Variants in PAK5 observed in about 807,000 individuals in gnomAD.
PAK5 encodes p21 (RAC1) activated kinase 5, also known as serine/threonine-protein kinase PAK 5.
A neutral mutation model predicts 65.9 loss-of-function variants in PAK5; 16 were observed. That is an observed-to-expected ratio of 0.24 (90% CI 0.16 to 0.37). The LOEUF (loss-of-function observed/expected upper bound fraction) is 0.37. Among genes scored for constraint, PAK5 ranks in the 10% least tolerant of loss-of-function variants. The pLI is 1.00. For missense variants in PAK5, 785 were observed against 903.9 expected, an observed-to-expected ratio of 0.87 and a Z score of 1.69; for synonymous variants, 371 against 354.9, an observed-to-expected ratio of 1.05 and a Z score of -0.51.
intron 1 of PAK5, among the ~76,000 whole-genome samples, chr20:9,760,156 G>A: frequency 6.6e-6 from 1 of 152,048 alleles, no homozygotes; most frequent in East Asian, 1.9e-4. Context: ...AATCATAATG[G>A]CTTTCAATAA....
rs565367584 is a variant in PAK5, at chr20:9,634,635, G to A, written c.204+9490C>T. ...AACCACATTAATATAATCAAAAACTGCTTGGCTGAAGTTTCCAGATTGGAT... is the reference window on the plus strand; with the variant it reads ...AACCACATTAATATAATCAAAAACTACTTGGCTGAAGTTTCCAGATTGGAT... On this transcript the variant is annotated intron_variant, in intron 3 of 9. Transcript: ENST00000353224. Among the ~76,000 whole-genome samples, 99 of 152,262 alleles carry A rather than the reference G, an allele frequency of 6.5e-4. No individual in the cohort carries two copies. In the South Asian group the frequency reaches 0.011, roughly 16 times the overall value.
chr20:9,780,699 G>A (rs1047674544), intron 1 of PAK5, among the ~76,000 whole-genome samples: 2 of 151,812 alleles, frequency 1.3e-5, no homozygotes, highest in Non-Finnish European at 2.9e-5. Context: ...ACCCCCCTTG[G>A]AAGCTGCTAC....
chr20:9,824,749 A>G lies in PAK5; in HGVS notation c.-162+14013T>C, dbSNP rs533801631. On this transcript the variant is annotated intron_variant, in intron 1 of 9. Transcript: ENST00000353224. ...CTTTTGATTTCCCTTATCCCACTCT[A>G]TTTTATAAAGCACTGATGACCTTCT... is the stretch of plus-strand genomic sequence containing the variant. Among the ~76,000 whole-genome samples the G allele has an allele frequency of 2.6e-5, 4 of 152,186 alleles. No individual in the cohort carries two copies. In the South Asian group the frequency reaches 8.3e-4, roughly 32 times the overall value.
intron 1 of PAK5, among the ~76,000 whole-genome samples, chr20:9,734,192 G>A (rs752064306): frequency 2.0e-5 from 3 of 152,212 alleles, no homozygotes; most frequent in Non-Finnish European, 4.4e-5. Context: ...GTTTTTGACA[G>A]CTTTCTGTAT....
chr20:9,642,263 G>A (rs1261947356), intron 3 of PAK5, among the ~76,000 whole-genome samples: 3 of 152,218 alleles, frequency 2.0e-5, no homozygotes, highest in Non-Finnish European at 4.4e-5. Context: ...CTCGTTTACA[G>A]TCCCACCAAC....
At chr20:9,751,280 G>T (rs1037418511) in intron 1 of PAK5, among the ~76,000 whole-genome samples, 1 of 152,010 alleles carries the variant, frequency 6.6e-6, no homozygotes, top group Admixed American at 6.6e-5. Flanking sequence ...GAGAGGCTTT[G>T]CAATATTCAA....
At chr20:9,724,586 G>T (rs1371906458) in intron 1 of PAK5, among the ~76,000 whole-genome samples, 1 of 152,146 alleles carries the variant, frequency 6.6e-6, no homozygotes, top group East Asian at 1.9e-4. Flanking sequence ...GTGTTTCTTG[G>T]AGTTGGGGTA....
intron 3 of PAK5, among the ~76,000 whole-genome samples, chr20:9,582,678 G>GGT (rs977523288): frequency 3.3e-5 from 5 of 151,728 alleles, no homozygotes; most frequent in South Asian, 2.1e-4. Flanking sequence ...TATCTTCTTG[G>GGT]GTGTGTGTGT....
chr20:9,694,026 A>C (rs905695205), intron 2 of PAK5, among the ~76,000 whole-genome samples: 3 of 152,014 alleles, frequency 2.0e-5, no homozygotes, highest in African/African-American at 7.2e-5. Flanking sequence ...AAGTTGAATC[A>C]CATAAGATCT....
At chr20:9,632,567 T>A (rs966129385) in intron 3 of PAK5, among the ~76,000 whole-genome samples, 2 of 152,180 alleles carry the variant, frequency 1.3e-5, no homozygotes, top group Admixed American at 1.3e-4. Flanking sequence ...TAGGGAATCA[T>A]AGTCAGGTAG....
At chr20:9,710,173 A>C (rs767432529) in intron 2 of PAK5, among the ~76,000 whole-genome samples, 1 of 152,156 alleles carries the variant, frequency 6.6e-6, no homozygotes, top group Non-Finnish European at 1.5e-5. Flanking sequence ...GCTGCCTCTC[A>C]GTGGCTTGAG....
At chr20:9,594,459 A>G (rs1253975758) in intron 3 of PAK5, among the ~76,000 whole-genome samples, 1 of 152,184 alleles carries the variant, frequency 6.6e-6, no homozygotes, top group Non-Finnish European at 1.5e-5. Flanking sequence ...TCCTTATCTT[A>G]TTGACACACT....
At chr20:9,807,813 T>C (rs1477310198) in intron 1 of PAK5, among the ~76,000 whole-genome samples, 1 of 143,762 alleles carries the variant, frequency 7.0e-6, no homozygotes, top group Non-Finnish European at 1.5e-5. Context: ...CCCTGCCTTC[T>C]AGCTTAGTAG....
chr20:9,772,769 G>A (rs938344991), intron 1 of PAK5, among the ~76,000 whole-genome samples: 1 of 152,208 alleles, frequency 6.6e-6, no homozygotes, highest in Non-Finnish European at 1.5e-5. Flanking sequence ...CTCCAGCAGA[G>A]ACTTTCCTCC....
chr20:9,611,752 C>T (rs1045929648), intron 3 of PAK5, among the ~76,000 whole-genome samples: 3 of 152,170 alleles, frequency 2.0e-5, no homozygotes, highest in African/African-American at 7.2e-5. Flanking sequence ...GTTTTTCCCT[C>T]CCTATATGGG....
At chr20:9,689,873 C>T (rs894734323) in intron 2 of PAK5, among the ~76,000 whole-genome samples, 3 of 152,146 alleles carry the variant, frequency 2.0e-5, no homozygotes, top group African/African-American at 7.2e-5. Flanking sequence ...CACATCTGGG[C>T]TTCTGGGTCA....
At chr20:9,567,269 A>T (rs2045698541) in intron 4 of PAK5, among the ~76,000 whole-genome samples, 1 of 152,142 alleles carries the variant, frequency 6.6e-6, no homozygotes, top group Admixed American at 6.5e-5. Context: ...CTCAGAAAAG[A>T]TCTGTTGATT....
intron 3 of PAK5, among the ~76,000 whole-genome samples, chr20:9,583,034 A>G (rs2046007241): frequency 6.6e-6 from 1 of 152,102 alleles, no homozygotes; most frequent in Non-Finnish European, 1.5e-5. Context: ...CAAATCAGGC[A>G]TTTCTCCAAG....
At chr20:9,700,934 A>G (rs2047931599) in intron 2 of PAK5, among the ~76,000 whole-genome samples, 1 of 152,162 alleles carries the variant, frequency 6.6e-6, no homozygotes, top group Non-Finnish European at 1.5e-5. Context: ...GAGGTTTTAT[A>G]TTAGAAAACT....
Sources: gnomAD v4.1 joint callset for allele counts (sites outside exome capture counted in the v4.1 genomes callset) on GRCh38, gnomAD v4.1.1 for gene constraint, MANE v1.5 for transcripts, NCBI Gene and HGNC (gene_info 2026-07-23, HGNC 2026-07-21) for gene names.